Variants in FHIT observed in about 807,000 individuals in gnomAD.
The protein encoded by FHIT is bis(5'-adenosyl)-triphosphatase.
A neutral mutation model predicts 17.9 loss-of-function variants in FHIT; 19 were observed. That is an observed-to-expected ratio of 1.06 (90% CI 0.74 to 1.56). The LOEUF (loss-of-function observed/expected upper bound fraction) is 1.56, where lower values mean the gene tolerates loss of function less well. FHIT is among the 40% of genes most tolerant of loss of function. The probability of loss-of-function intolerance (pLI) is 0.00; values close to 1 mark genes in which losing one functional copy is unlikely to be tolerated. For synonymous variants in FHIT, 81 were observed against 69.7 expected, an observed-to-expected ratio of 1.16 and a Z score of -0.81; for missense variants, 248 against 189.2, an observed-to-expected ratio of 1.31 and a Z score of -1.82.
intron 8 of FHIT, among the ~76,000 whole-genome samples, chr3:59,905,244 G>A (rs1704531874): frequency 6.6e-6 from 1 of 152,168 alleles, no homozygotes; most frequent in Admixed American, 6.5e-5. Context: ...TTATGACAGG[G>A]GCTTGGCAGG....
chr3:60,258,065 T>TACACAC (rs67553597), intron 5 of FHIT, among the ~76,000 whole-genome samples: 26,224 of 144,298 alleles, frequency 0.18, 2,701 homozygotes, highest in Middle Eastern at 0.29. Context: ...GGAAATTAAA[T>TACACAC]ACACACACAC....
At chr3:60,015,911 C>G (rs1363281155) in intron 5 of FHIT, among the ~76,000 whole-genome samples, 2 of 152,004 alleles carry the variant, frequency 1.3e-5, no homozygotes, top group African/African-American at 4.8e-5. Context: ...GCATGTTGCT[C>G]CTAGAAAAAC....
At chr3:60,751,057 C>T (rs557905836) in intron 4 of FHIT, among the ~76,000 whole-genome samples, 1 of 152,214 alleles carries the variant, frequency 6.6e-6, no homozygotes, top group Admixed American at 6.5e-5. Flanking sequence ...TGCTGTCTCA[C>T]TGGTCCAGTG....
At chr3:61,219,728 T>G (rs374257507) in intron 1 of FHIT, among the ~76,000 whole-genome samples, 6 of 152,190 alleles carry the variant, frequency 3.9e-5, no homozygotes, top group African/African-American at 1.4e-4. Flanking sequence ...AGTAGAGCAG[T>G]ACAGGCCAGT....
chr3:60,081,000 C>G lies in FHIT; in HGVS notation c.104-66848G>C, dbSNP rs77309161. Among the ~76,000 whole-genome samples, 1,377 of 152,166 alleles carry G rather than the reference C, an allele frequency of 9.0e-3. 18 individuals carry two copies. The highest frequency in any genetic ancestry group is 0.031 in the African/African-American group (1,306 of 41,504). ...TAGACATGGGAGTGCAGGCATCTAT[C>G]TCTATCAAGGTACATGACATGTAAT... On this transcript the variant is annotated intron_variant, in intron 5 of 9. Transcript: ENST00000492590.
chr3:59,855,212 C>T (rs1021593780), intron 8 of FHIT, among the ~76,000 whole-genome samples: 7 of 152,162 alleles, frequency 4.6e-5, no homozygotes, highest in African/African-American at 1.4e-4. Flanking sequence ...CCTGATATTA[C>T]TTGGTAAGTT....
At chr3:60,516,104 C>T (rs9829234) in intron 5 of FHIT, among the ~76,000 whole-genome samples, 19,726 of 152,092 alleles carry the variant, frequency 0.13, 1,455 homozygotes, top group Middle Eastern at 0.23. Context: ...ATCCACAAAC[C>T]TGTTGGTCTC....
At position 60,021,520 on chromosome 3, in the gene FHIT, T is replaced by C. The variant is rs554198889; in HGVS notation, c.104-7368A>G. The stretch of plus-strand genomic sequence containing the variant: ...AGAGCATCATATCTGGAAAAAAATA[T>C]GCTCATATAAACTAAGTATGTGGGA... On this transcript the variant is annotated intron_variant, in intron 5 of 9. Coordinates refer to ENST00000492590, the MANE Select transcript of FHIT (RefSeq NM_002012.4). Among the ~76,000 whole-genome samples the C allele has an allele frequency of 3.9e-5, 6 of 152,310 alleles. No individual in the cohort carries two copies. In the East Asian group the frequency reaches 1.2e-3, roughly 29 times the overall value.
At chr3:61,114,363 T>G (rs958360375) in intron 2 of FHIT, among the ~76,000 whole-genome samples, 2 of 152,212 alleles carry the variant, frequency 1.3e-5, no homozygotes, top group Admixed American at 1.3e-4. Context: ...ACATTTTGTC[T>G]TATTAACATT....
At chr3:60,820,030 G>A (rs114904642) in intron 4 of FHIT, among the ~76,000 whole-genome samples, 4,096 of 152,142 alleles carry the variant, frequency 0.027, 84 homozygotes, top group East Asian at 0.085. Flanking sequence ...CCTTCTAGCC[G>A]GGAGTGATGG....
intron 3 of FHIT, among the ~76,000 whole-genome samples, chr3:60,967,464 CT>C (rs1244781595): frequency 1.3e-5 from 2 of 152,106 alleles, no homozygotes; most frequent in Admixed American, 1.3e-4. Context: ...TTTTGAAAGA[CT>C]AGATACCAAG....
chr3:60,998,143 T>G (rs1182120113), intron 3 of FHIT, among the ~76,000 whole-genome samples: 1 of 152,184 alleles, frequency 6.6e-6, no homozygotes, highest in African/African-American at 2.4e-5. Flanking sequence ...TCCCATAATT[T>G]TAACACCTAT....
chr3:59,794,181 A>G (rs1699684165), intron 8 of FHIT, among the ~76,000 whole-genome samples: 2 of 152,202 alleles, frequency 1.3e-5, no homozygotes, highest in African/African-American at 2.4e-5. Context: ...AACATCTGCA[A>G]TTCTCTAGAA....
chr3:60,299,993 T>C (rs1210158214), intron 5 of FHIT, among the ~76,000 whole-genome samples: 1 of 152,104 alleles, frequency 6.6e-6, no homozygotes, highest in Non-Finnish European at 1.5e-5. Context: ...TTTCCTTTTG[T>C]CTGTGCCCTC....
intron 4 of FHIT, among the ~76,000 whole-genome samples, chr3:60,640,998 G>A (rs530805899): frequency 6.6e-6 from 1 of 151,988 alleles, no homozygotes; most frequent in African/African-American, 2.4e-5. Context: ...TGACCAACAT[G>A]GTGAAACCCT....
intron 1 of FHIT, among the ~76,000 whole-genome samples, chr3:61,237,060 A>G (rs1351187215): frequency 6.6e-6 from 1 of 152,220 alleles, no homozygotes; most frequent in Non-Finnish European, 1.5e-5. Flanking sequence ...TAAATCTTTG[A>G]GAACATGATC....
chr3:60,264,956 C>G (rs376676269), intron 5 of FHIT, among the ~76,000 whole-genome samples: 1 of 151,784 alleles, frequency 6.6e-6, no homozygotes, highest in East Asian at 1.9e-4. Context: ...TCTATGTCTG[C>G]GCTTTACACA....
At chr3:60,091,586 T>C (rs947479332) in intron 5 of FHIT, among the ~76,000 whole-genome samples, 9 of 152,128 alleles carry the variant, frequency 5.9e-5, no homozygotes, top group Non-Finnish European at 2.9e-5. Flanking sequence ...CCTGCCCAAA[T>C]TTCACGTGGG....
chr3:61,018,138 T>TATAC (rs923445732), intron 3 of FHIT, among the ~76,000 whole-genome samples: 15 of 152,316 alleles, frequency 9.8e-5, no homozygotes, highest in African/African-American at 3.6e-4. Context: ...TCATCCTTAT[T>TATAC]ATACAGATAG....
Sources: allele counts gnomAD v4.1 joint callset (sites outside exome capture counted in the v4.1 genomes callset), GRCh38; gene constraint gnomAD v4.1.1; transcripts MANE v1.5; gene names NCBI Gene and HGNC (gene_info 2026-07-23, HGNC 2026-07-21).